CNTN4: variants seen among roughly 807,000 people sequenced by gnomAD.
CNTN4 encodes contactin 4.
In CNTN4, 77 loss-of-function variants were observed where a neutral mutation model predicts 122.5. The observed-to-expected ratio is 0.63, with a 90% confidence interval of 0.52 to 0.76. The LOEUF (loss-of-function observed/expected upper bound fraction) is 0.76. Among genes scored for constraint, CNTN4 ranks in the 30% least tolerant of loss-of-function variants. The probability of loss-of-function intolerance (pLI) is 0.00; values close to 1 mark genes in which losing one functional copy is unlikely to be tolerated. For missense variants in CNTN4, 1,256 were observed against 1,259.1 expected (o/e 1.00, Z 0.04); for synonymous variants, 512 against 447.0 (o/e 1.15, Z -1.83).
intron 14 of CNTN4, among the ~76,000 whole-genome samples, chr3:3,013,366 G>C (rs9310924): frequency 0.58 from 88,748 of 151,866 alleles, 26,750 homozygotes; most frequent in Middle Eastern, 0.7. Context: ...TTTAGCAAAA[G>C]CTAGGTTAGT....
Position 2,709,129 on chromosome 3 carries a change from A to G in CNTN4, c.56-27086A>G, listed in dbSNP as rs2086942491. Among the ~76,000 whole-genome samples the G allele has an allele frequency of 6.6e-6, 1 of 152,206 alleles. No homozygotes were observed. The highest frequency in any genetic ancestry group is 2.1e-4 in the South Asian group (1 of 4,832). ...GAGTTTTTAAGCTAGATCGTTACAAATGAAGCCTTACCATTTGATGAAAAT... is the reference window on the plus strand; with the variant it reads ...GAGTTTTTAAGCTAGATCGTTACAAGTGAAGCCTTACCATTTGATGAAAAT... On this transcript the variant is annotated intron_variant, in intron 4 of 24. Coordinates refer to ENST00000418658, the MANE Select transcript of CNTN4 (RefSeq NM_175607.3). This position sits in a 1 kb window ranked among gnomAD's most constrained non-coding sequence, Gnocchi z 5.0.
chr3:2,380,827 T>C (rs552492142), intron 3 of CNTN4, among the ~76,000 whole-genome samples: 40 of 152,314 alleles, frequency 2.6e-4, no homozygotes, highest in African/African-American at 8.4e-4. Flanking sequence ...GGTGTCTTTC[T>C]AGCTTCAAAG....
intron 3 of CNTN4, among the ~76,000 whole-genome samples, chr3:2,417,091 G>T (rs1045995477): frequency 6.6e-6 from 1 of 152,334 alleles, no homozygotes; most frequent in East Asian, 1.9e-4. Context: ...GGGACATGCT[G>T]CCCGCTCCCT....
intron 3 of CNTN4, among the ~76,000 whole-genome samples, chr3:2,359,806 T>C (rs2045046440): frequency 6.6e-6 from 1 of 152,192 alleles, no homozygotes; most frequent in Admixed American, 6.5e-5. Flanking sequence ...CCCAAAGTGC[T>C]GGGATTAGGG....
At chr3:2,920,892 G>A (rs1275831996) in intron 12 of CNTN4, among the ~76,000 whole-genome samples, 3 of 152,110 alleles carry the variant, frequency 2.0e-5, no homozygotes, top group South Asian at 4.1e-4. Flanking sequence ...CAGGAAACAG[G>A]GCATTCAGTG....
rs559260167 is a variant in CNTN4, at chr3:2,741,943, C to G, written c.183-3579C>G. 4.3e-4 allele frequency among the ~76,000 whole-genome samples: 65 copies of G among 152,328 alleles called. 2 individuals carry two copies. In the South Asian group the frequency reaches 0.013, roughly 31 times the overall value. ...GAACAAAACTTTTTAATCAAATGCA[C>G]TAGCAATTTATTGCAGTATACTTCT... On this transcript the variant is annotated intron_variant, in intron 5 of 24. Transcript: ENST00000418658.
At chr3:2,531,854 T>G (rs1240639101) in intron 3 of CNTN4, among the ~76,000 whole-genome samples, 1 of 152,180 alleles carries the variant, frequency 6.6e-6, no homozygotes, top group Non-Finnish European at 1.5e-5. Flanking sequence ...AATAAGAACT[T>G]ATGTGATGTC....
At chr3:2,944,689 C>T (rs925717037) in intron 13 of CNTN4, among the ~76,000 whole-genome samples, 2 of 152,172 alleles carry the variant, frequency 1.3e-5, no homozygotes, top group African/African-American at 4.8e-5. Context: ...TAAAAAATAA[C>T]ATGAATGCTC....
chr3:2,797,480 C>T (rs1226443753), intron 6 of CNTN4, among the ~76,000 whole-genome samples: 1 of 152,082 alleles, frequency 6.6e-6, no homozygotes, highest in Non-Finnish European at 1.5e-5. Flanking sequence ...CGCCTGTAAT[C>T]CCAGCTACTC....
At chr3:2,355,127 G>T (rs550654199) in intron 3 of CNTN4, among the ~76,000 whole-genome samples, 1 of 152,142 alleles carries the variant, frequency 6.6e-6, no homozygotes, top group Non-Finnish European at 1.5e-5. Flanking sequence ...TGAATTATGC[G>T]CAGTATGCCT....
At chr3:2,207,109 A>G (rs2038392536) in intron 2 of CNTN4, among the ~76,000 whole-genome samples, 2 of 152,068 alleles carry the variant, frequency 1.3e-5, no homozygotes, top group Admixed American at 1.3e-4. Context: ...AACCAAACTC[A>G]TAAAAGATGG....
intron 13 of CNTN4, among the ~76,000 whole-genome samples, chr3:2,966,768 T>G (rs1227061620): frequency 6.6e-6 from 1 of 152,216 alleles, no homozygotes; most frequent in African/African-American, 2.4e-5. Context: ...GTACCCATAG[T>G]AATTAAATAT....
chr3:2,215,614 G>A (rs940757825), intron 2 of CNTN4, among the ~76,000 whole-genome samples: 2 of 152,078 alleles, frequency 1.3e-5, no homozygotes, highest in African/African-American at 4.8e-5. Context: ...TGGGCGCAGT[G>A]GTTCACGCCT....
chr3:2,278,383 A>C (rs1342201495), intron 2 of CNTN4, among the ~76,000 whole-genome samples: 1 of 152,188 alleles, frequency 6.6e-6, no homozygotes, highest in Non-Finnish European at 1.5e-5. Flanking sequence ...GTTACTGAGA[A>C]GGTAGGAAAG....
At chr3:2,343,773 C>T (rs2044294574) in intron 3 of CNTN4, among the ~76,000 whole-genome samples, 1 of 152,178 alleles carries the variant, frequency 6.6e-6, no homozygotes, top group African/African-American at 2.4e-5. Flanking sequence ...GTGACATTCT[C>T]AGTCTTTTTT....
chr3:2,506,448 A>G (rs936862597), intron 3 of CNTN4, among the ~76,000 whole-genome samples: 1 of 152,230 alleles, frequency 6.6e-6, no homozygotes, highest in African/African-American at 2.4e-5. Context: ...GATACCATAT[A>G]AATGCATAGA....
intron 6 of CNTN4, among the ~76,000 whole-genome samples, chr3:2,805,183 A>T (rs12630985): frequency 0.18 from 28,065 of 152,014 alleles, 3,792 homozygotes; most frequent in East Asian, 0.41. Context: ...GTCTTAAAAA[A>T]AAAAAGTATC....
chr3:2,464,753 G>A (rs2075438109), intron 3 of CNTN4, among the ~76,000 whole-genome samples: 1 of 152,224 alleles, frequency 6.6e-6, no homozygotes, highest in Non-Finnish European at 1.5e-5. Context: ...TGCCCTAGAG[G>A]AAAATGAGGT....
rs528575874 is a variant in CNTN4 at position 2,269,853 on chromosome 3, G to A, written c.-144-69325G>A. On this transcript the variant is annotated intron_variant, in intron 2 of 24. Coordinates refer to ENST00000418658, the MANE Select transcript of CNTN4 (RefSeq NM_175607.3). ...GTTTGTAGTAGAGCTTTGCATTCAG[G>A]ACTAGTAGTTGCCACCACCCCCCGC... 7.2e-5 allele frequency among the ~76,000 whole-genome samples: 11 copies of A among 152,194 alleles called. No individual in the cohort carries two copies. The South Asian group carries it at 2.3e-3, about 32-fold the overall frequency.
Sources: allele counts gnomAD v4.1 joint callset (sites outside exome capture counted in the v4.1 genomes callset), GRCh38; gene constraint gnomAD v4.1.1; non-coding constraint Gnocchi (gnomAD v3.1); transcripts MANE v1.5; gene names NCBI Gene and HGNC (gene_info 2026-07-23, HGNC 2026-07-21).